The following LRRK1 variants were observed in gnomAD, a reference collection of about 807,000 sequenced individuals.
The protein encoded by LRRK1 is leucine-rich repeat serine/threonine-protein kinase 1.
Under a neutral mutation model 209.1 loss-of-function variants are expected in LRRK1, and 113 were observed. That is an observed-to-expected ratio of 0.54 (90% CI 0.46 to 0.63). The LOEUF is 0.63. LRRK1 is among the 30% of genes least tolerant of loss of function. The pLI, the probability that LRRK1 is intolerant of heterozygous loss-of-function variation, is 0.00. For missense variants in LRRK1, 2,284 were observed against 2,632.2 expected, an observed-to-expected ratio of 0.87 and a Z score of 2.89; for synonymous variants, 1,144 against 1,099.7, an observed-to-expected ratio of 1.04 and a Z score of -0.80.
chr15:101,052,086 C>A, intron 24 of LRRK1, 126 bp downstream of exon 24: 2 of 1,088,392 alleles, frequency 1.8e-6, no homozygotes, highest in Non-Finnish European at 1.3e-6. Context: ...CATGGCTTCC[C>A]ACCAATCTCA....
chr15:100,939,579 A>G (rs896771338), intron 2 of LRRK1, among the ~76,000 whole-genome samples: 1 of 152,132 alleles, frequency 6.6e-6, no homozygotes, highest in Non-Finnish European at 1.5e-5. Flanking sequence ...TAAACGTCCT[A>G]ATGGTTTTTC....
At position 100,930,008 on chromosome 15, in the gene LRRK1, T is replaced by C. The variant is rs1179911067; in HGVS notation, c.97+5279T>C. Reference sequence around the variant, plus strand: ...CAGGCCCTTGATGAGCCTTTGAACATTCGTTTTAACCTGAGGCTTAGATCT... The same window carrying C: ...CAGGCCCTTGATGAGCCTTTGAACACTCGTTTTAACCTGAGGCTTAGATCT... On this transcript the variant is annotated intron_variant, in intron 2 of 33. Coordinates refer to ENST00000388948, the MANE Select transcript of LRRK1 (RefSeq NM_024652.6). Among the ~76,000 whole-genome samples, 12 of 152,186 alleles carry C rather than the reference T, an allele frequency of 7.9e-5. 1 individual carries two copies. Among genetic ancestry groups the C allele is most frequent in the Non-Finnish European group, 1.8e-4 (12 of 68,012 alleles).
chr15:101,046,314 G>A (rs892512283), intron 21 of LRRK1, among the ~76,000 whole-genome samples, 162 bp downstream of exon 21: 23 of 152,232 alleles, frequency 1.5e-4, no homozygotes, highest in African/African-American at 5.1e-4. Flanking sequence ...GGCATGGGCT[G>A]CTGGCCAACC....
chr15:101,066,524 T>A, intron 32 of LRRK1, 116 bp from the exon 33 acceptor site: 1 of 945,036 alleles, frequency 1.1e-6, no homozygotes, highest in African/African-American at 1.6e-5. Context: ...CTTAATCCCT[T>A]AGCAGAAACT....
At chr15:100,955,915 C>CCTAA (rs2042745604) in intron 2 of LRRK1, among the ~76,000 whole-genome samples, 1 of 151,994 alleles carries the variant, frequency 6.6e-6, no homozygotes, top group Non-Finnish European at 1.5e-5. Flanking sequence ...GATTTTTGCA[C>CCTAA]CTAAGTTCAG....
rs533940464 is a variant in LRRK1 at position 101,078,207 on chromosome 15, C to T, written c.*9359C>T. Reference sequence around the variant, plus strand: ...TCCCTGCACTGACTCTCTTTTCGGACTCAGCCCGCCTGCACCCAGGTGAAA... The same window carrying T: ...TCCCTGCACTGACTCTCTTTTCGGATTCAGCCCGCCTGCACCCAGGTGAAA... On this transcript the variant is annotated 3_prime_UTR_variant, in exon 34 of 34. Coordinates refer to ENST00000388948, the MANE Select transcript of LRRK1 (RefSeq NM_024652.6). 6.6e-6 allele frequency: 1 copy of T among 152,344 alleles called. No homozygotes were observed. The highest frequency in any genetic ancestry group is 1.9e-4 in the East Asian group (1 of 5,180). 9.4% of individuals were successfully genotyped at this position (152,344 alleles called of 1,614,324 possible).
At chr15:101,060,879 G>A (rs1256737958) in intron 29 of LRRK1, among the ~76,000 whole-genome samples, 1 of 152,270 alleles carries the variant, frequency 6.6e-6, no homozygotes, top group Non-Finnish European at 1.5e-5. Context: ...ACAGGGGCGG[G>A]CAGGATATGG....
intron 2 of LRRK1, among the ~76,000 whole-genome samples, chr15:100,955,785 C>T (rs916967852): frequency 6.6e-6 from 1 of 151,826 alleles, no homozygotes; most frequent in Non-Finnish European, 1.5e-5. Flanking sequence ...TGTGGTGTAT[C>T]GTGTCTGTTG....
At chr15:100,968,446 C>T (rs999147468) in intron 2 of LRRK1, among the ~76,000 whole-genome samples, 5 of 152,096 alleles carry the variant, frequency 3.3e-5, no homozygotes, top group Non-Finnish European at 5.9e-5. Flanking sequence ...ATTTTGCACT[C>T]TAGCCAGTAA....
chr15:101,027,905 T>A lies in LRRK1; in HGVS notation c.2686+108T>A. 9.8e-7 allele frequency: 1 copy of A among 1,018,610 alleles called. No individual in the cohort carries two copies. The allele number at this position is 1,018,610 out of a possible 1,614,324, so 63.1% of individuals were successfully genotyped here. On this transcript the variant is annotated intron_variant, in intron 19 of 33. Coordinates refer to ENST00000388948, the MANE Select transcript of LRRK1 (RefSeq NM_024652.6). This position sits in a 1 kb window ranked among gnomAD's most constrained non-coding sequence, Gnocchi z 5.1. Reference sequence around the variant, plus strand: ...ATGAATGAGAGACCGACACCCAGCCTGCGTTTCTGCCTTCCATCCCCCTCC... The same window carrying A: ...ATGAATGAGAGACCGACACCCAGCCAGCGTTTCTGCCTTCCATCCCCCTCC...
In LRRK1 at chr15:101,076,339, C is replaced by T. The variant is rs1157187634; in HGVS notation, c.*7491C>T. 2 of 152,170 alleles carry T rather than the reference C, an allele frequency of 1.3e-5. No homozygotes were observed. Among genetic ancestry groups the T allele is most frequent in the Admixed American group, 6.5e-5 (1 of 15,288 alleles). The allele number at this position is 152,170 out of a possible 1,614,324, so 9.4% of individuals were successfully genotyped here. A position where few individuals can be genotyped will look rare whatever the true frequency, so the allele number is the denominator to read the frequency against. Reference sequence around the variant, plus strand: ...CTGCTCCCCGGCTCCTTCAGCTGTACTCACTCTTTATTGAGTCTCCCACAA... The same window carrying T: ...CTGCTCCCCGGCTCCTTCAGCTGTATTCACTCTTTATTGAGTCTCCCACAA... On this transcript the variant is annotated 3_prime_UTR_variant, in exon 34 of 34. Transcript: ENST00000388948.
intron 2 of LRRK1, among the ~76,000 whole-genome samples, chr15:100,933,358 A>G (rs2042243141): frequency 6.6e-6 from 1 of 152,214 alleles, no homozygotes; most frequent in Admixed American, 6.5e-5. Flanking sequence ...TGGGCCAAGC[A>G]TGTATCCCTT....
chr15:101,035,785 C>T (rs2034472449), intron 20 of LRRK1, among the ~76,000 whole-genome samples: 2 of 151,920 alleles, frequency 1.3e-5, no homozygotes, highest in African/African-American at 2.4e-5. Flanking sequence ...GTGGTGGTAC[C>T]ATTTGAGTCC....
chr15:101,065,359 A>G lies in LRRK1; in HGVS notation c.4922A>G (p.Tyr1641Cys). 6.2e-7 allele frequency: 1 copy of G among 1,612,936 alleles called. No homozygotes were observed. ...CCTGTCTCCTTCCTTCAGAATTCCT[A>G]CCTGGTCTTAGCGGGCCTCGCCGAT... is the stretch of plus-strand genomic sequence containing the variant. Reference protein sequence around the residue: ...LAVPVIKKNSYLVLAGLADGL... With the variant: ...LAVPVIKKNSCLVLAGLADGL... The change falls in exon 32 of 34, where the codon TAC (tyrosine) becomes TGC (cysteine). Residue 1641 changes from tyrosine (Y) to cysteine (C), a missense_variant. This residue lies in a region of LRRK1 where 643 missense variants were observed against 695.9 expected (regional missense o/e 0.92). Transcript: ENST00000388948.
intron 23 of LRRK1, among the ~76,000 whole-genome samples, chr15:101,050,364 G>A (rs1441686000): frequency 6.6e-6 from 1 of 152,214 alleles, no homozygotes; most frequent in African/African-American, 2.4e-5. Flanking sequence ...GAGGCCTCCT[G>A]TTTGTTTTGC....
Position 101,053,104 on chromosome 15 carries a change from G to T in LRRK1, c.3856+16G>T. 1 of 1,599,110 alleles carries T rather than the reference G, an allele frequency of 6.3e-7. No individual in the cohort carries two copies. On this transcript the variant is annotated intron_variant, in intron 25 of 33. Coordinates refer to ENST00000388948, the MANE Select transcript of LRRK1 (RefSeq NM_024652.6). ...GTACCGGCAGGTAAGCGGGTCCCAG[G>T]TTGGTGCTGTTTTTCTCAGACATAT...
intron 2 of LRRK1, among the ~76,000 whole-genome samples, chr15:100,931,847 G>T (rs2042218176): frequency 6.6e-6 from 1 of 152,188 alleles, no homozygotes; most frequent in Admixed American, 6.5e-5. Flanking sequence ...CTCCCTGAAG[G>T]TTAAGAAAAA....
chr15:101,062,754 C>T (rs2036262240), intron 31 of LRRK1, 64 bp downstream of exon 31: 1 of 1,198,710 alleles, frequency 8.3e-7, no homozygotes, highest in African/African-American at 1.5e-5. Context: ...GGAGGCGTCT[C>T]CTAGCTATGT....
At chr15:100,941,328 C>CTGTG (rs1491189485) in intron 2 of LRRK1, among the ~76,000 whole-genome samples, 8 of 82,692 alleles carry the variant, frequency 9.7e-5, no homozygotes, top group African/African-American at 1.8e-4. Flanking sequence ...GTGTGTGTGT[C>CTGTG]TGTGTCTCTG....
Sources: allele counts gnomAD v4.1 joint callset (sites outside exome capture counted in the v4.1 genomes callset), GRCh38; gene constraint gnomAD v4.1.1; regional missense constraint gnomAD v4.1.1; non-coding constraint Gnocchi (gnomAD v3.1); transcripts MANE v1.5; gene names NCBI Gene and HGNC (gene_info 2026-07-23, HGNC 2026-07-21).